PRTFDC1: variants seen among roughly 807,000 people sequenced by gnomAD.
PRTFDC1 encodes phosphoribosyltransferase domain-containing protein 1.
PRTFDC1 carries 38 observed loss-of-function variants against 34.6 expected under a neutral mutation model. That is an observed-to-expected ratio of 1.10 (90% confidence interval 0.85 to 1.44). The LOEUF is 1.44. PRTFDC1 is among the 40% of genes most tolerant of loss of function. The pLI is 0.00. For missense variants in PRTFDC1, 270 were observed against 283.0 expected (o/e 0.95, Z 0.33); for synonymous variants, 93 against 98.1 (o/e 0.95, Z 0.31).
chr10:24,893,288 CTT>C (rs1848296513), intron 3 of PRTFDC1, among the ~76,000 whole-genome samples: 1 of 151,986 alleles, frequency 6.6e-6, no homozygotes, highest in African/African-American at 2.4e-5. Context: ...CTCTCTCTCT[CTT>C]TCTCTCTTTC....
At chr10:24,871,908 T>C in intron 4 of PRTFDC1, 90 bp downstream of exon 4, 1 of 1,123,686 alleles carries the variant, frequency 8.9e-7, no homozygotes. Flanking sequence ...CGGGAGCATG[T>C]CTGAAATGTC....
At chr10:24,927,390 A>G (rs905848934) in intron 3 of PRTFDC1, among the ~76,000 whole-genome samples, 1 of 152,204 alleles carries the variant, frequency 6.6e-6, no homozygotes, top group Non-Finnish European at 1.5e-5. Context: ...AATGATTTAT[A>G]TGAACTGATT....
intron 3 of PRTFDC1, among the ~76,000 whole-genome samples, chr10:24,890,313 C>G (rs889632799): frequency 1.3e-5 from 2 of 152,104 alleles, no homozygotes; most frequent in Non-Finnish European, 2.9e-5. Flanking sequence ...GTGACCTCTG[C>G]TCTTAGGTTT....
At chr10:24,935,518 G>A (rs1849035576) in intron 3 of PRTFDC1, among the ~76,000 whole-genome samples, 1 of 152,180 alleles carries the variant, frequency 6.6e-6, no homozygotes, top group South Asian at 2.1e-4. Flanking sequence ...GCAACTGAGA[G>A]TCACATGAGG....
At chr10:24,859,408 C>T (rs1847638168) in intron 4 of PRTFDC1, among the ~76,000 whole-genome samples, 1 of 152,178 alleles carries the variant, frequency 6.6e-6, no homozygotes, top group Non-Finnish European at 1.5e-5. Context: ...TATAGGTATG[C>T]ACCACCACGC....
At chr10:24,914,108 A>G (rs555221214) in intron 3 of PRTFDC1, among the ~76,000 whole-genome samples, 61 of 152,334 alleles carry the variant, frequency 4.0e-4, no homozygotes, top group African/African-American at 1.5e-3. Flanking sequence ...GTCAAATCAG[A>G]TAGAAAATAA....
intron 3 of PRTFDC1, among the ~76,000 whole-genome samples, chr10:24,927,581 ATTT>A (rs5783910): frequency 7.5e-6 from 1 of 133,782 alleles, no homozygotes. Context: ...GCGGGACCCA[ATTT>A]TTTTTTTTTT....
At chr10:24,909,140 G>T (rs1848586306) in intron 3 of PRTFDC1, among the ~76,000 whole-genome samples, 1 of 152,120 alleles carries the variant, frequency 6.6e-6, no homozygotes, top group Non-Finnish European at 1.5e-5. Context: ...AAACACCCAG[G>T]CGTGGTGGTG....
intron 3 of PRTFDC1, among the ~76,000 whole-genome samples, chr10:24,888,159 C>T (rs1848201433): frequency 6.6e-6 from 1 of 152,220 alleles, no homozygotes; most frequent in Non-Finnish European, 1.5e-5. Context: ...AGGCATGAGC[C>T]TCTGCACCAG....
intron 3 of PRTFDC1, among the ~76,000 whole-genome samples, chr10:24,875,993 T>C (rs1375754018): frequency 6.6e-6 from 1 of 152,002 alleles, no homozygotes; most frequent in African/African-American, 2.4e-5. Context: ...AGTGCTAGGA[T>C]TATAGGTGTA....
chr10:24,915,336 A>G (rs1203434905), intron 3 of PRTFDC1, among the ~76,000 whole-genome samples: 1 of 152,146 alleles, frequency 6.6e-6, no homozygotes, highest in African/African-American at 2.4e-5. Flanking sequence ...GCTTCCTTTA[A>G]TGTGCTTCCA....
chr10:24,883,969 A>G (rs938184359), intron 3 of PRTFDC1, among the ~76,000 whole-genome samples: 1 of 151,862 alleles, frequency 6.6e-6, no homozygotes, highest in African/African-American at 2.4e-5. Context: ...GACTACAGTC[A>G]TGCACCATCA....
intron 3 of PRTFDC1, among the ~76,000 whole-genome samples, chr10:24,893,415 A>G (rs1848298379): frequency 6.6e-6 from 1 of 152,134 alleles, no homozygotes. Context: ...AGGCCTCCCA[A>G]GTAGCTGGGA....
intron 3 of PRTFDC1, among the ~76,000 whole-genome samples, chr10:24,935,303 G>C (rs557254361): frequency 1.3e-5 from 2 of 152,272 alleles, no homozygotes; most frequent in South Asian, 2.1e-4. Context: ...GTGAATGAGA[G>C]AAATCTGGTA....
intron 3 of PRTFDC1, among the ~76,000 whole-genome samples, chr10:24,887,464 TC>T (rs111504507): frequency 0.57 from 86,377 of 151,148 alleles, 25,331 homozygotes; most frequent in Non-Finnish European, 0.65. Flanking sequence ...TATAAGGGCT[TC>T]CCCCCTCTCC....
intron 3 of PRTFDC1, among the ~76,000 whole-genome samples, chr10:24,898,286 CAAA>C (rs34691185): frequency 5.3e-5 from 4 of 75,192 alleles, no homozygotes; most frequent in African/African-American, 1.1e-4. Flanking sequence ...CCCGTCTCTA[CAAA>C]AAAAAAAAAA....
intron 4 of PRTFDC1, among the ~76,000 whole-genome samples, chr10:24,870,397 C>T (rs953068217): frequency 1.2e-4 from 18 of 152,152 alleles, no homozygotes; most frequent in Non-Finnish European, 5.9e-5. Context: ...CATGAGCCAC[C>T]ATGCCCAGCC....
At chr10:24,861,655 T>A (rs1388225370) in intron 4 of PRTFDC1, among the ~76,000 whole-genome samples, 1 of 152,040 alleles carries the variant, frequency 6.6e-6, no homozygotes, top group African/African-American at 2.4e-5. Context: ...TTTAGCTGTT[T>A]TTCTGCTTGT....
At chr10:24,864,250 G>C (rs1041798353) in intron 4 of PRTFDC1, among the ~76,000 whole-genome samples, 2 of 152,070 alleles carry the variant, frequency 1.3e-5, no homozygotes, top group Non-Finnish European at 2.9e-5. Flanking sequence ...GACAACAAAG[G>C]GTTTAAAATA....
Sources: gnomAD v4.1 joint callset for allele counts (sites outside exome capture counted in the v4.1 genomes callset) on GRCh38, gnomAD v4.1.1 for gene constraint, MANE v1.5 for transcripts, NCBI Gene and HGNC (gene_info 2026-07-23, HGNC 2026-07-21) for gene names.